Variants in SH3RF3 observed in about 807,000 individuals in gnomAD.
SH3RF3 encodes the protein E3 ubiquitin-protein ligase SH3RF3.
Under a neutral mutation model 66.3 loss-of-function variants are expected in SH3RF3, and 29 were observed. That is an observed-to-expected ratio of 0.44 (90% CI 0.33 to 0.60). SH3RF3 has a LOEUF of 0.60. Ranked by LOEUF, SH3RF3 falls within the 20% of genes least tolerant of loss-of-function variation. SH3RF3 has a pLI of 0.04. For synonymous variants in SH3RF3, 583 were observed against 532.0 expected (o/e 1.10, Z -1.32); for missense variants, 1,194 against 1,190.9 (o/e 1.00, Z -0.04).
chr2:109,193,649 T>C (rs1678424459), intron 1 of SH3RF3, among the ~76,000 whole-genome samples: 1 of 152,144 alleles, frequency 6.6e-6, no homozygotes, highest in African/African-American at 2.4e-5. Flanking sequence ...CATTCATGAG[T>C]TGATGGACAT....
intron 1 of SH3RF3, among the ~76,000 whole-genome samples, chr2:109,198,219 A>C (rs1459638273): frequency 6.6e-6 from 1 of 152,170 alleles, no homozygotes; most frequent in African/African-American, 2.4e-5. Context: ...ATAGGTTGTA[A>C]ATCGAAGCAA....
chr2:109,254,417 TG>T (rs1278519459), intron 1 of SH3RF3, among the ~76,000 whole-genome samples: 1 of 152,082 alleles, frequency 6.6e-6, no homozygotes, highest in Admixed American at 6.5e-5. Context: ...ATTGGACTGT[TG>T]GGGAGGTTAA....
At chr2:109,181,076 C>A (rs556042114) in intron 1 of SH3RF3, among the ~76,000 whole-genome samples, 6 of 152,322 alleles carry the variant, frequency 3.9e-5, no homozygotes, top group Non-Finnish European at 8.8e-5. Flanking sequence ...CTCACAGACC[C>A]TCCGTCAGCA....
chr2:109,356,007 C>T (rs1297836025), intron 2 of SH3RF3, among the ~76,000 whole-genome samples: 2 of 152,186 alleles, frequency 1.3e-5, no homozygotes, highest in East Asian at 1.9e-4. Flanking sequence ...TTCCAGAACA[C>T]ACCAGATTTA....
intron 1 of SH3RF3, among the ~76,000 whole-genome samples, chr2:109,153,040 A>G (rs1336346389): frequency 6.6e-6 from 1 of 152,222 alleles, no homozygotes; most frequent in African/African-American, 2.4e-5. Flanking sequence ...AAATGGACCC[A>G]GTCTACAGAC....
At chr2:109,398,454 G>C in intron 3 of SH3RF3, 136 bp from the exon 4 acceptor site, 1 of 817,278 alleles carries the variant, frequency 1.2e-6, no homozygotes, top group East Asian at 2.7e-5. Context: ...AGCCTCTTCT[G>C]TGTTTTCCCT....
intron 1 of SH3RF3, among the ~76,000 whole-genome samples, chr2:109,198,766 C>G (rs1287106092): frequency 6.6e-6 from 1 of 152,204 alleles, no homozygotes; most frequent in African/African-American, 2.4e-5. Context: ...GGCCTCACCT[C>G]CTGATACCAA....
At chr2:109,204,113 G>A (rs558013410) in intron 1 of SH3RF3, among the ~76,000 whole-genome samples, 1 of 152,348 alleles carries the variant, frequency 6.6e-6, no homozygotes, top group East Asian at 1.9e-4. Flanking sequence ...CAGACAAGGC[G>A]AAGAGGGTAA....
At chr2:109,489,665 C>T (rs145829286) in intron 8 of SH3RF3, among the ~76,000 whole-genome samples, 3,822 of 148,464 alleles carry the variant, frequency 0.026, 63 homozygotes, top group South Asian at 0.039. Context: ...CTGGGGGCCT[C>T]GGGGCCTATT....
intron 8 of SH3RF3, among the ~76,000 whole-genome samples, chr2:109,479,546 C>T (rs1678778583): frequency 6.6e-6 from 1 of 152,132 alleles, no homozygotes; most frequent in African/African-American, 2.4e-5. Context: ...TGTCCAGCTT[C>T]CACCGGCCTC....
At chr2:109,283,373 C>T (rs1680941032) in intron 1 of SH3RF3, among the ~76,000 whole-genome samples, 3 of 152,230 alleles carry the variant, frequency 2.0e-5, no homozygotes, top group Admixed American at 2.0e-4. Context: ...CAGGCCTCAC[C>T]TCACTGCGTT....
chr2:109,270,737 C>T (rs896397832), intron 1 of SH3RF3, among the ~76,000 whole-genome samples: 1 of 152,200 alleles, frequency 6.6e-6, no homozygotes, highest in Non-Finnish European at 1.5e-5. Flanking sequence ...ACTGTTACTC[C>T]TCTTATGTAG....
chr2:109,211,748 A>G (rs2105109870), intron 1 of SH3RF3, among the ~76,000 whole-genome samples: 1 of 151,556 alleles, frequency 6.6e-6, no homozygotes, highest in Non-Finnish European at 1.5e-5. Flanking sequence ...GGGTTTAAGC[A>G]GTTCTCCTGC....
chr2:109,209,658 T>C (rs1244232543), intron 1 of SH3RF3, among the ~76,000 whole-genome samples: 1 of 152,144 alleles, frequency 6.6e-6, no homozygotes, highest in Non-Finnish European at 1.5e-5. Flanking sequence ...AGTCGACTGC[T>C]CCTCTGGCAA....
chr2:109,339,586 G>A (rs891385726), intron 1 of SH3RF3, among the ~76,000 whole-genome samples: 1 of 152,340 alleles, frequency 6.6e-6, no homozygotes, highest in East Asian at 1.9e-4. Flanking sequence ...CCTGGAGGGT[G>A]CCTGGGTGGG....
chr2:109,157,716 A>G (rs1021281148), intron 1 of SH3RF3, among the ~76,000 whole-genome samples: 1 of 152,220 alleles, frequency 6.6e-6, no homozygotes, highest in African/African-American at 2.4e-5. Context: ...TGAATTTAAT[A>G]GGATCATCCT....
chr2:109,150,342 C>T (rs1487860104), intron 1 of SH3RF3, among the ~76,000 whole-genome samples: 4 of 151,916 alleles, frequency 2.6e-5, no homozygotes, highest in East Asian at 1.9e-4. Context: ...AGAGGATGGC[C>T]GAGGCAGGTG....
chr2:109,404,152 C>T (rs1676388007), intron 4 of SH3RF3, among the ~76,000 whole-genome samples: 1 of 152,060 alleles, frequency 6.6e-6, no homozygotes, highest in South Asian at 2.1e-4. Context: ...GCCGAGACCA[C>T]TGCAGGATGG....
chr2:109,501,403 C>A, intron 9 of SH3RF3, 100 bp from the exon 10 acceptor site: 2 of 565,010 alleles, frequency 3.5e-6, no homozygotes, highest in South Asian at 2.5e-5. Context: ...GGGAAAATAG[C>A]AGCAAATAAC....
Sources: gnomAD v4.1 joint callset for allele counts (sites outside exome capture counted in the v4.1 genomes callset) on GRCh38, gnomAD v4.1.1 for gene constraint, MANE v1.5 for transcripts, NCBI Gene and HGNC (gene_info 2026-07-23, HGNC 2026-07-21) for gene names.